CSMD1: variants seen among roughly 807,000 people sequenced by gnomAD.
CSMD1 encodes CUB and sushi domain-containing protein 1.
A neutral mutation model predicts 417.5 loss-of-function variants in CSMD1; 213 were observed. The ratio of observed to expected loss-of-function variants is 0.51; its 90% CI spans 0.46 to 0.57. The LOEUF is 0.57. CSMD1 is among the 20% of genes least tolerant of loss of function. The pLI is 0.00. For synonymous variants in CSMD1, 2,862 were observed against 1,736.8 expected (o/e 1.65, Z -16.11); for missense variants, 6,923 against 4,529.7 (o/e 1.53, Z -15.17).
intron 4 of CSMD1, among the ~76,000 whole-genome samples, chr8:4,003,646 A>G: frequency 6.6e-6 from 1 of 152,210 alleles, no homozygotes; most frequent in East Asian, 1.9e-4. Context: ...CTGAAAATAC[A>G]TAAATACGAA....
intron 5 of CSMD1, among the ~76,000 whole-genome samples, chr8:3,867,366 G>C (rs985899334): frequency 2.0e-5 from 3 of 152,070 alleles, no homozygotes; most frequent in Admixed American, 6.5e-5. Flanking sequence ...CTCTTCTATT[G>C]AACTTTATAA....
At chr8:4,580,382 T>C (rs887141022) in intron 2 of CSMD1, among the ~76,000 whole-genome samples, 1 of 152,210 alleles carries the variant, frequency 6.6e-6, no homozygotes, top group South Asian at 2.1e-4. Flanking sequence ...TTGACCATCT[T>C]CCTTTGTTGT....
chr8:3,334,762 T>G, intron 23 of CSMD1, among the ~76,000 whole-genome samples: 1 of 152,194 alleles, frequency 6.6e-6, no homozygotes, highest in Non-Finnish European at 1.5e-5. Context: ...CACATTGAAT[T>G]TGCAGAGTAA....
At chr8:4,656,298 G>A (rs1482980807) in intron 1 of CSMD1, among the ~76,000 whole-genome samples, 1 of 151,966 alleles carries the variant, frequency 6.6e-6, no homozygotes, top group African/African-American at 2.4e-5. Flanking sequence ...AAAAGCAGGA[G>A]GAAAAGACAT....
At chr8:4,456,722 C>G (rs759044619) in intron 2 of CSMD1, among the ~76,000 whole-genome samples, 3 of 152,092 alleles carry the variant, frequency 2.0e-5, no homozygotes, top group Non-Finnish European at 4.4e-5. Flanking sequence ...GGACCCCCTG[C>G]TGCATCAGTC....
chr8:4,930,076 G>T (rs969659618), intron 1 of CSMD1, among the ~76,000 whole-genome samples: 1 of 152,170 alleles, frequency 6.6e-6, no homozygotes, highest in Admixed American at 6.5e-5. Context: ...CAAGGAAAAA[G>T]AGCTTGTTTC....
chr8:3,896,812 A>C (rs1807402490), intron 5 of CSMD1, among the ~76,000 whole-genome samples: 1 of 152,034 alleles, frequency 6.6e-6, no homozygotes. Flanking sequence ...TGATGGTCTG[A>C]TTGTGACATC....
Position 4,000,851 on chromosome 8 carries a change from C to T in CSMD1, c.611-2741G>A, listed in dbSNP as rs149376736. 2.7e-3 allele frequency among the ~76,000 whole-genome samples: 409 copies of T among 151,892 alleles called. 2 individuals carry two copies. The highest frequency in any genetic ancestry group is 0.01 in the Middle Eastern group (3 of 290). ...GATGCAGAAGAAAAGAGTTCTAATA[C>T]CTTTATTACCTAAGAAGATAAAATA... On this transcript the variant is annotated intron_variant, in intron 4 of 69. Transcript: ENST00000635120.
At chr8:4,784,959 A>G (rs1797324924) in intron 1 of CSMD1, among the ~76,000 whole-genome samples, 1 of 119,128 alleles carries the variant, frequency 8.4e-6, no homozygotes, top group East Asian at 2.2e-4. Flanking sequence ...CATAAGTGGT[A>G]AAAAAATGCA....
chr8:4,098,595 C>T (rs969791546), intron 3 of CSMD1, among the ~76,000 whole-genome samples: 2 of 152,098 alleles, frequency 1.3e-5, no homozygotes, highest in African/African-American at 2.4e-5. Context: ...TCAACACCCT[C>T]TCTAAGGTTC....
intron 6 of CSMD1, among the ~76,000 whole-genome samples, chr8:3,716,929 T>C (rs891160257): frequency 2.0e-5 from 3 of 152,118 alleles, no homozygotes; most frequent in Non-Finnish European, 2.9e-5. Flanking sequence ...CCTATTTAAT[T>C]CCACCAAAAT....
intron 3 of CSMD1, among the ~76,000 whole-genome samples, chr8:4,209,773 T>G (rs1376819110): frequency 1.3e-5 from 2 of 152,220 alleles, no homozygotes; most frequent in African/African-American, 4.8e-5. Flanking sequence ...ATAGGCCATG[T>G]GCCCAGAGTG....
intron 2 of CSMD1, among the ~76,000 whole-genome samples, chr8:4,555,746 G>A (rs1798060923): frequency 6.6e-6 from 1 of 152,104 alleles, no homozygotes; most frequent in South Asian, 2.1e-4. Flanking sequence ...CCATAAGAAA[G>A]TTCCATTTCA....
At chr8:2,978,483 C>T in intron 55 of CSMD1, 129 bp downstream of exon 55, 1 of 718,646 alleles carries the variant, frequency 1.4e-6, no homozygotes, top group South Asian at 2.2e-5. Context: ...CATAAAAACT[C>T]CTACAATTGG....
At chr8:4,764,559 C>A (rs2117112088) in intron 1 of CSMD1, among the ~76,000 whole-genome samples, 1 of 152,130 alleles carries the variant, frequency 6.6e-6, no homozygotes, top group Admixed American at 6.5e-5. Flanking sequence ...ACCAGCCAAG[C>A]TGCTCTCTAA....
At chr8:3,239,857 G>C (rs1205032742) in intron 26 of CSMD1, among the ~76,000 whole-genome samples, 5 of 152,134 alleles carry the variant, frequency 3.3e-5, no homozygotes, top group African/African-American at 1.2e-4. Context: ...ATAGGGGTCA[G>C]GTGTGGTATC....
At chr8:4,123,840 G>A (rs755681144) in intron 3 of CSMD1, among the ~76,000 whole-genome samples, 8 of 152,118 alleles carry the variant, frequency 5.3e-5, no homozygotes, top group Non-Finnish European at 1.0e-4. Context: ...TATAGAGAAT[G>A]AGAACACGGA....
At chr8:3,581,246 C>A (rs1002176692) in intron 9 of CSMD1, among the ~76,000 whole-genome samples, 1 of 152,154 alleles carries the variant, frequency 6.6e-6, no homozygotes, top group Non-Finnish European at 1.5e-5. Flanking sequence ...AATCTACTGC[C>A]AGTTAAAGAT....
intron 6 of CSMD1, among the ~76,000 whole-genome samples, chr8:3,730,097 T>C (rs1357300209): frequency 1.3e-5 from 2 of 152,042 alleles, no homozygotes; most frequent in African/African-American, 2.4e-5. Flanking sequence ...AAAAGAACTT[T>C]CCCGTTTGCA....
Sources: gnomAD v4.1 joint callset for allele counts (sites outside exome capture counted in the v4.1 genomes callset) on GRCh38, gnomAD v4.1.1 for gene constraint, MANE v1.5 for transcripts, NCBI Gene and HGNC (gene_info 2026-07-23, HGNC 2026-07-21) for gene names.